GMDS: variants seen among roughly 807,000 people sequenced by gnomAD.
GMDS encodes GDP-mannose 4,6-dehydratase.
A neutral mutation model predicts 49.9 loss-of-function variants in GMDS; 20 were observed. The observed-to-expected ratio is 0.40, with a 90% CI of 0.28 to 0.58. The LOEUF (loss-of-function observed/expected upper bound fraction) is 0.58, where lower values mean the gene tolerates loss of function less well. Among genes scored for constraint, GMDS ranks in the 20% least tolerant of loss-of-function variants. The pLI, the probability that GMDS is intolerant of heterozygous loss-of-function variation, is 0.42. For missense variants in GMDS, 362 were observed against 481.4 expected (o/e 0.75, Z 2.32); for synonymous variants, 177 against 178.6 (o/e 0.99, Z 0.07).
At chr6:1,834,429 G>A (rs1486606471) in intron 7 of GMDS, among the ~76,000 whole-genome samples, 1 of 152,190 alleles carries the variant, frequency 6.6e-6, no homozygotes, top group African/African-American at 2.4e-5. Context: ...TCTGTCTGTT[G>A]GCTCCAGTTG....
In GMDS at chr6:2,163,775, G is replaced by A. The variant is rs138372300; in HGVS notation, c.103-39044C>T. On this transcript the variant is annotated intron_variant, in intron 1 of 10. Coordinates refer to ENST00000380815, the MANE Select transcript of GMDS (RefSeq NM_001500.4). The stretch of plus-strand genomic sequence containing the variant: ...TAGCCAACACCACAGGCTGAGCGCT[G>A]CCACTTGGCCCCTGGGATCCAATTG... Among the ~76,000 whole-genome samples the A allele has an allele frequency of 5.7e-3, 863 of 152,264 alleles. 2 individuals are homozygous for A. The highest frequency in any genetic ancestry group is 0.017 in the Middle Eastern group (5 of 294).
At chr6:1,922,941 A>AG (rs1761794237) in intron 7 of GMDS, among the ~76,000 whole-genome samples, 1 of 152,214 alleles carries the variant, frequency 6.6e-6, no homozygotes, top group Non-Finnish European at 1.5e-5. Context: ...GGTGGGAGAT[A>AG]ACTGAATCAT....
At chr6:2,080,100 T>C (rs1165788372) in intron 4 of GMDS, among the ~76,000 whole-genome samples, 1 of 152,184 alleles carries the variant, frequency 6.6e-6, no homozygotes, top group African/African-American at 2.4e-5. Context: ...TCTAGACTAT[T>C]GTTGAATCTA....
chr6:1,944,504 A>T (rs1762970806), intron 6 of GMDS, among the ~76,000 whole-genome samples: 1 of 135,822 alleles, frequency 7.4e-6, no homozygotes, highest in Admixed American at 7.4e-5. Context: ...GATTGCGTCT[A>T]AAAAAATATA....
chr6:1,910,477 C>T (rs1257032321), intron 7 of GMDS, among the ~76,000 whole-genome samples: 1 of 152,018 alleles, frequency 6.6e-6, no homozygotes, highest in African/African-American at 2.4e-5. Context: ...GTAAATACTG[C>T]TGTACGGAAA....
chr6:2,078,845 C>T (rs1273018276), intron 4 of GMDS, among the ~76,000 whole-genome samples: 1 of 151,870 alleles, frequency 6.6e-6, no homozygotes, highest in Non-Finnish European at 1.5e-5. Context: ...TGATTTGTCT[C>T]ATGCTGAGAA....
At chr6:1,977,397 G>A (rs909489857) in intron 4 of GMDS, among the ~76,000 whole-genome samples, 1 of 152,122 alleles carries the variant, frequency 6.6e-6, no homozygotes, top group Non-Finnish European at 1.5e-5. Flanking sequence ...CAAGTATCTA[G>A]CAAACATAAA....
At chr6:2,143,278 A>G (rs1157431739) in intron 1 of GMDS, among the ~76,000 whole-genome samples, 1 of 152,014 alleles carries the variant, frequency 6.6e-6, no homozygotes, top group Admixed American at 6.5e-5. Context: ...AACATGAGAT[A>G]CCCCTGGGCT....
chr6:1,922,391 T>G (rs183876263), intron 7 of GMDS, among the ~76,000 whole-genome samples: 69 of 152,250 alleles, frequency 4.5e-4, no homozygotes, highest in Admixed American at 7.8e-4. Context: ...TATATGCTAC[T>G]CTCCTGCATA....
At chr6:1,653,092 A>G (rs1291702877) in intron 9 of GMDS, among the ~76,000 whole-genome samples, 1 of 151,826 alleles carries the variant, frequency 6.6e-6, no homozygotes, top group Non-Finnish European at 1.5e-5. Flanking sequence ...GCACAGATGC[A>G]TGCCTCCCTC....
At chr6:2,174,925 T>G (rs116428893) in intron 1 of GMDS, among the ~76,000 whole-genome samples, 28 of 152,224 alleles carry the variant, frequency 1.8e-4, no homozygotes, top group African/African-American at 6.0e-4. Flanking sequence ...GGAAACAGGA[T>G]AAGACATGCA....
intron 7 of GMDS, among the ~76,000 whole-genome samples, chr6:1,760,698 T>G (rs1768124702): frequency 6.6e-6 from 1 of 152,216 alleles, no homozygotes; most frequent in African/African-American, 2.4e-5. Flanking sequence ...CCCAGTGTCT[T>G]CATTCACAAA....
intron 7 of GMDS, among the ~76,000 whole-genome samples, chr6:1,786,679 T>G (rs1250526815): frequency 6.6e-6 from 1 of 152,194 alleles, no homozygotes. Context: ...CTCGAAGCAA[T>G]GCTGCCCACA....
At chr6:1,917,174 G>A (rs1462032977) in intron 7 of GMDS, among the ~76,000 whole-genome samples, 2 of 151,966 alleles carry the variant, frequency 1.3e-5, no homozygotes, top group East Asian at 3.9e-4. Context: ...CCTAGCGAGA[G>A]GAATACGTTT....
intron 4 of GMDS, among the ~76,000 whole-genome samples, chr6:2,090,540 T>C (rs1263261643): frequency 1.4e-4 from 21 of 152,154 alleles, no homozygotes; most frequent in Admixed American, 1.4e-3. Context: ...TAAACAGAAA[T>C]AGATTTTTTA....
intron 4 of GMDS, among the ~76,000 whole-genome samples, chr6:2,044,362 C>T (rs967540502): frequency 2.6e-5 from 4 of 151,866 alleles, no homozygotes; most frequent in Admixed American, 2.0e-4. Flanking sequence ...ATGTATACAC[C>T]GTGGAATACT....
chr6:1,649,823 G>A (rs1291811270), intron 9 of GMDS, among the ~76,000 whole-genome samples: 1 of 152,182 alleles, frequency 6.6e-6, no homozygotes, highest in Non-Finnish European at 1.5e-5. Flanking sequence ...TAGATATCAT[G>A]CTCCTGACAG....
chr6:1,685,242 A>G (rs1245232883), intron 9 of GMDS, among the ~76,000 whole-genome samples: 1 of 151,844 alleles, frequency 6.6e-6, no homozygotes, highest in Non-Finnish European at 1.5e-5. Context: ...TACTATAAAC[A>G]GCAAAAAAAT....
rs543577735 is a variant in GMDS at position 1,642,153 on chromosome 6, CTTTTTTTTT to C, written c.988-17622_988-17614del. On this transcript the variant is annotated intron_variant, in intron 9 of 10. Transcript: ENST00000380815. ...CTCTTGAAATCTGGGCAGTTTCCAT[CTTTTTTTTT>C]TTTTTTTTTTTTTTTTAAGAAAAAA... 6.7e-3 allele frequency among the ~76,000 whole-genome samples: 741 copies of C among 110,778 alleles called. 14 individuals carry two copies. Among genetic ancestry groups the C allele is most frequent in the African/African-American group, 0.024 (704 of 28,868 alleles). The allele number at this position is 110,778 out of a possible 152,430, so 72.7% of individuals were successfully genotyped here. A position where few individuals can be genotyped will look rare whatever the true frequency, so the allele number is the denominator to read the frequency against.
Sources: gnomAD v4.1 joint callset for allele counts (sites outside exome capture counted in the v4.1 genomes callset) on GRCh38, gnomAD v4.1.1 for gene constraint, MANE v1.5 for transcripts, NCBI Gene and HGNC (gene_info 2026-07-23, HGNC 2026-07-21) for gene names.